Variants in RANBP10 observed in about 807,000 individuals in gnomAD.
RANBP10 encodes ran-binding protein 10.
In RANBP10, 24 loss-of-function variants were observed where a neutral mutation model predicts 72.8. The observed-to-expected ratio is 0.33, with a 90% CI of 0.24 to 0.46. The LOEUF (loss-of-function observed/expected upper bound fraction) is 0.46, where lower values mean the gene tolerates loss of function less well. Among genes scored for constraint, RANBP10 ranks in the 20% least tolerant of loss-of-function variants. RANBP10 has a pLI of 1.00. For synonymous variants in RANBP10, 310 were observed against 322.3 expected (o/e 0.96, Z 0.41); for missense variants, 679 against 817.5 (o/e 0.83, Z 2.07).
chr16:67,766,281 A>G (rs1164659751), intron 3 of RANBP10, among the ~76,000 whole-genome samples: 1 of 152,230 alleles, frequency 6.6e-6, no homozygotes, highest in Non-Finnish European at 1.5e-5. Flanking sequence ...CATCACCAGA[A>G]ATAAAAAAGT....
chr16:67,768,641 G>GC (rs1597882282), intron 3 of RANBP10, among the ~76,000 whole-genome samples: 2 of 152,138 alleles, frequency 1.3e-5, no homozygotes, highest in African/African-American at 4.8e-5. Flanking sequence ...GCTTCAGCCT[G>GC]CAAGGTTGAG....
At chr16:67,745,023 T>G (rs1597848567) in intron 3 of RANBP10, among the ~76,000 whole-genome samples, 2 of 150,930 alleles carry the variant, frequency 1.3e-5, no homozygotes, top group Non-Finnish European at 3.0e-5. Flanking sequence ...GTAGAGACGG[T>G]GTTTCACCAT....
chr16:67,772,167 T>C, intron 2 of RANBP10, 81 bp from the exon 3 acceptor site: 1 of 1,447,430 alleles, frequency 6.9e-7, no homozygotes, highest in East Asian at 2.3e-5. Flanking sequence ...CATTTATTGG[T>C]AAAAGACAGA....
chr16:67,754,565 C>G (rs528879558), intron 3 of RANBP10, among the ~76,000 whole-genome samples: 2 of 152,282 alleles, frequency 1.3e-5, no homozygotes, highest in Non-Finnish European at 2.9e-5. Context: ...AGAAGTTGTA[C>G]AGTGGAGAGG....
At chr16:67,750,540 C>G (rs1367827990) in intron 3 of RANBP10, among the ~76,000 whole-genome samples, 1 of 152,150 alleles carries the variant, frequency 6.6e-6, no homozygotes, top group Non-Finnish European at 1.5e-5. Flanking sequence ...GCCAAATGAT[C>G]TCAGGAAAGT....
intron 2 of RANBP10, among the ~76,000 whole-genome samples, chr16:67,784,259 G>A (rs1439567409): frequency 5.3e-5 from 8 of 152,292 alleles, no homozygotes; most frequent in Non-Finnish European, 7.4e-5. Context: ...GGTGGCTCAC[G>A]CTTGTTAATT....
At chr16:67,743,198 C>G (rs2054002318) in intron 4 of RANBP10, among the ~76,000 whole-genome samples, 1 of 152,238 alleles carries the variant, frequency 6.6e-6, no homozygotes, top group Non-Finnish European at 1.5e-5. Flanking sequence ...TTGCAGCCAC[C>G]TTTTTACTGA....
chr16:67,758,771 G>A (rs2054339134), intron 3 of RANBP10, among the ~76,000 whole-genome samples: 1 of 152,242 alleles, frequency 6.6e-6, no homozygotes, highest in Non-Finnish European at 1.5e-5. Flanking sequence ...ACTTCTGTGA[G>A]AGAGGCTGGG....
chr16:67,770,925 C>A (rs1245310616), intron 3 of RANBP10, among the ~76,000 whole-genome samples: 1 of 152,146 alleles, frequency 6.6e-6, no homozygotes, highest in African/African-American at 2.4e-5. Context: ...TACACTCCAG[C>A]CTGGGTGAAA....
chr16:67,765,790 C>T (rs994443084), intron 3 of RANBP10, among the ~76,000 whole-genome samples: 69 of 152,018 alleles, frequency 4.5e-4, no homozygotes, highest in African/African-American at 1.5e-3. Context: ...GAGCCGAGAT[C>T]GCGCCACTGC....
intron 3 of RANBP10, among the ~76,000 whole-genome samples, chr16:67,760,485 G>A (rs142889334): frequency 2.6e-4 from 39 of 152,298 alleles, no homozygotes; most frequent in African/African-American, 8.9e-4. Context: ...GAGCAAGCCT[G>A]GTAAGGTAAG....
At chr16:67,737,551 C>T (rs145693992) in intron 5 of RANBP10, among the ~76,000 whole-genome samples, 73 of 152,230 alleles carry the variant, frequency 4.8e-4, no homozygotes, top group Middle Eastern at 3.4e-3. Context: ...AAGCTCACCT[C>T]TCTGGCTTGG....
chr16:67,751,240 T>C (rs575312233), intron 3 of RANBP10, among the ~76,000 whole-genome samples: 29 of 152,334 alleles, frequency 1.9e-4, no homozygotes, highest in Non-Finnish European at 3.7e-4. Flanking sequence ...ATATCCACTA[T>C]GAAAACAACA....
intron 3 of RANBP10, among the ~76,000 whole-genome samples, chr16:67,765,059 G>A (rs769552935): frequency 1.3e-5 from 2 of 152,084 alleles, no homozygotes; most frequent in Admixed American, 6.6e-5. Flanking sequence ...AAACTTAGAT[G>A]GGCATAGTGG....
chr16:67,737,192 C>CTT lies in RANBP10; in HGVS notation c.591+819_591+820dup, dbSNP rs71145979. ...AGCAAGCAGAAAACTCCATCCTTTT[C>CTT]TTTTTTTTTTTTTTTTTTTTTTTTT... On this transcript the variant is annotated intron_variant, in intron 5 of 13. Coordinates refer to ENST00000317506, the MANE Select transcript of RANBP10 (RefSeq NM_020850.3). 2.4e-3 allele frequency among the ~76,000 whole-genome samples: 180 copies of CTT among 75,968 alleles called. 13 individuals carry two copies. Among genetic ancestry groups the CTT allele is most frequent in the African/African-American group, 5.4e-3 (87 of 16,058 alleles). The allele number at this position is 75,968 out of a possible 152,430, so 49.8% of individuals were successfully genotyped here.
rs765025030 is a variant in RANBP10 at position 67,806,514 on chromosome 16, G to A, written c.23C>T (p.Pro8Leu). 2.8e-5 allele frequency: 43 copies of A among 1,517,922 alleles called. No individual in the cohort carries two copies. Among genetic ancestry groups the A allele is most frequent in the Middle Eastern group, 2.3e-4 (1 of 4,438 alleles). 94.0% of individuals were successfully genotyped at this position (1,517,922 alleles called of 1,614,324 possible). The change falls in exon 1 of 14, where the codon CCG (proline) becomes CTG (leucine). Residue 8 changes from proline to leucine, a missense_variant. Pro to Leu is a moderately conservative substitution (Grantham distance 98). Coordinates refer to ENST00000317506, the MANE Select transcript of RANBP10 (RefSeq NM_020850.3). ...CCCAGGCTGCGGGTTCCCAGCTCCC[G>A]GGTCTGCCGTCGCTGCCGCCATCTT... MAAATADPGAGNPQPGDS... is the reference protein window; with the variant it reads MAAATADLGAGNPQPGDS...
At chr16:67,748,167 T>C (rs1378137868) in intron 3 of RANBP10, among the ~76,000 whole-genome samples, 1 of 151,966 alleles carries the variant, frequency 6.6e-6, no homozygotes, top group African/African-American at 2.4e-5. Context: ...GCTGTGATCG[T>C]TGACTGGGAC....
At chr16:67,748,420 G>A (rs1341729435) in intron 3 of RANBP10, among the ~76,000 whole-genome samples, 2 of 151,752 alleles carry the variant, frequency 1.3e-5, no homozygotes, top group Non-Finnish European at 2.9e-5. Flanking sequence ...CCACTCAGGA[G>A]GCTGAGGCAG....
chr16:67,747,016 CAT>C (rs2054094112), intron 3 of RANBP10, among the ~76,000 whole-genome samples: 2 of 152,290 alleles, frequency 1.3e-5, no homozygotes, highest in East Asian at 3.9e-4. Context: ...TTTGCACAGA[CAT>C]ATGTTTTCAT....
Sources: gnomAD v4.1 joint callset for allele counts (sites outside exome capture counted in the v4.1 genomes callset) on GRCh38, gnomAD v4.1.1 for gene constraint, MANE v1.5 for transcripts, NCBI Gene and HGNC (gene_info 2026-07-23, HGNC 2026-07-21) for gene names.